The following COL7A1 variants were observed in gnomAD, a reference collection of about 807,000 sequenced individuals.
COL7A1 encodes the protein collagen alpha-1(VII) chain.
COL7A1 carries 296 observed loss-of-function variants against 456.2 expected under a neutral mutation model. The observed-to-expected ratio is 0.65, with a 90% CI of 0.59 to 0.71. COL7A1 has a LOEUF of 0.71. Ranked by LOEUF, COL7A1 falls within the 30% of genes least tolerant of loss-of-function variation. The pLI, the probability that COL7A1 is intolerant of heterozygous loss-of-function variation, is 0.00. For missense variants in COL7A1, 3,441 were observed against 4,017.2 expected (o/e 0.86, Z 3.88); for synonymous variants, 1,464 against 1,525.9 (o/e 0.96, Z 0.95).
In COL7A1 at chr3:48,578,792, G is replaced by T; in HGVS notation, c.5424+127C>A. On this transcript the variant is annotated intron_variant, in intron 63 of 118. Transcript: ENST00000681320. This position sits in a 1 kb window ranked among gnomAD's most constrained non-coding sequence, Gnocchi z 4.7. ...TACTAAAACCTGTGTGCCAGGGACT[G>T]AGACCCTCCCAAAGGCAAGGCTGAA... 1 of 995,510 alleles carries T rather than the reference G, an allele frequency of 1.0e-6. No individual in the cohort carries two copies. Among genetic ancestry groups the T allele is most frequent in the Non-Finnish European group, 1.5e-6 (1 of 685,976 alleles). 61.7% of individuals were successfully genotyped at this position (995,510 alleles called of 1,614,324 possible).
chr3:48,589,302 T>C, intron 18 of COL7A1, 25 bp downstream of exon 18: 2 of 1,611,518 alleles, frequency 1.2e-6, no homozygotes, highest in South Asian at 1.1e-5. Flanking sequence ...GCGGTGTGGC[T>C]AGTAGCTGGC....
At position 48,567,683 on chromosome 3, in the gene COL7A1, C is replaced by A. The variant is rs770928059; in HGVS notation, c.7983+27G>T. ...CTTGGCCCCCGTCCACCCGTGGCCC[C>A]CTCATTCTGAGCGTGCCCACACTCA... On this transcript the variant is annotated intron_variant, in intron 108 of 118. Transcript: ENST00000681320. The surrounding 1 kb of genome is among the most constrained non-coding windows in gnomAD (Gnocchi z 4.3). 1 of 1,614,114 alleles carries A rather than the reference C, an allele frequency of 6.2e-7. No homozygotes were observed. Among genetic ancestry groups the A allele is most frequent in the South Asian group, 1.1e-5 (1 of 91,084 alleles).
At position 48,583,505 on chromosome 3, in the gene COL7A1, G is replaced by A. The variant is rs756684122; in HGVS notation, c.4401+51C>T. On this transcript the variant is annotated intron_variant, in intron 41 of 118. Transcript: ENST00000681320. This position sits in a 1 kb window ranked among gnomAD's most constrained non-coding sequence, Gnocchi z 5.1. Reference sequence around the variant, plus strand: ...GGAGCAGTGGTTGATGATTGAGGTAGGGGCTGGAGCTGTGCCCACCATATT... The same window carrying A: ...GGAGCAGTGGTTGATGATTGAGGTAAGGGCTGGAGCTGTGCCCACCATATT... The A allele has an allele frequency of 7.6e-5, 122 of 1,613,538 alleles. No homozygotes were observed. The highest frequency in any genetic ancestry group is 9.3e-5 in the Non-Finnish European group (110 of 1,179,692).
rs985355478 is a variant in COL7A1, at chr3:48,594,736, C to T, written c.86-188G>A. Among the ~76,000 whole-genome samples the T allele has an allele frequency of 1.3e-5, 2 of 149,184 alleles. No homozygotes were observed. The highest frequency in any genetic ancestry group is 5.0e-5 in the African/African-American group (2 of 40,300). On this transcript the variant is annotated intron_variant, in intron 2 of 118. Transcript: ENST00000681320. The surrounding 1 kb of genome is among the most constrained non-coding windows in gnomAD (Gnocchi z 5.5). The stretch of plus-strand genomic sequence containing the variant: ...CTCGGTGGGTCCCAGAGCAGACTCC[C>T]GCGGAGGGTTGGGGGTGTGCGGGGG...
Position 48,593,828 on chromosome 3 carries a change from A to G in COL7A1, c.267-132T>C, listed in dbSNP as rs2045881970. On this transcript the variant is annotated intron_variant, in intron 3 of 118. Coordinates refer to ENST00000681320, the MANE Select transcript of COL7A1 (RefSeq NM_000094.4). This position sits in a 1 kb window ranked among gnomAD's most constrained non-coding sequence, Gnocchi z 4.4. The stretch of plus-strand genomic sequence containing the variant: ...GGGTCCCTTCGTTCTGTCATTCTCC[A>G]CACCCACTTGCCTCTGGAACCCCCA... The G allele has an allele frequency of 9.1e-7, 1 of 1,103,416 alleles. No homozygotes were observed. Among genetic ancestry groups the G allele is most frequent in the African/African-American group, 1.5e-5 (1 of 64,590 alleles). 68.4% of individuals were successfully genotyped at this position (1,103,416 alleles called of 1,614,324 possible).
Position 48,566,020 on chromosome 3 carries a change from AT to A in COL7A1, c.8407+246del, listed in dbSNP as rs1185630728. 6.6e-6 allele frequency among the ~76,000 whole-genome samples: 1 copy of A among 152,058 alleles called. No homozygotes were observed. The highest frequency in any genetic ancestry group is 1.5e-5 in the Non-Finnish European group (1 of 68,010). ...CAAGGGGACCAGCTCTGCTCCCACC[AT>A]CATCCCACTCCCCACACAGCCAAGC... On this transcript the variant is annotated intron_variant, in intron 114 of 118. Transcript: ENST00000681320. The surrounding 1 kb of genome is among the most constrained non-coding windows in gnomAD (Gnocchi z 5.9).
At position 48,564,548 on chromosome 3, in the gene COL7A1, G is replaced by A. The variant is rs1421964635; in HGVS notation, c.8819-126C>T. On this transcript the variant is annotated intron_variant, in intron 118 of 118. Coordinates refer to ENST00000681320, the MANE Select transcript of COL7A1 (RefSeq NM_000094.4). The surrounding 1 kb of genome is among the most constrained non-coding windows in gnomAD (Gnocchi z 6.0). ...GAAGTGGGGGCTCTGACCTCAGAGG[G>A]GTCCATACTTAGGTCTTTAAAGGAG... is the stretch of plus-strand genomic sequence containing the variant. 27 of 1,216,360 alleles carry A rather than the reference G, an allele frequency of 2.2e-5. No individual in the cohort carries two copies. The highest frequency in any genetic ancestry group is 3.0e-5 in the African/African-American group (2 of 66,516). 75.3% of individuals were successfully genotyped at this position (1,216,360 alleles called of 1,614,324 possible). A position where few individuals can be genotyped will look rare whatever the true frequency, so the allele number is the denominator to read the frequency against.
rs2107742867 is a variant in COL7A1 at position 48,585,688 on chromosome 3, A to G, written c.3831+2T>C. On this transcript the variant is annotated splice_donor_variant, in intron 31 of 118. Coordinates refer to ENST00000681320, the MANE Select transcript of COL7A1 (RefSeq NM_000094.4). LOFTEE classifies it high-confidence loss of function. This position sits in a 1 kb window ranked among gnomAD's most constrained non-coding sequence, Gnocchi z 4.5. ...GCAGGGACAGATGTGGGGGACACTCACCGGGAGGCCAGGGTCGCCAGGAGG... is the reference window on the plus strand; with the variant it reads ...GCAGGGACAGATGTGGGGGACACTCGCCGGGAGGCCAGGGTCGCCAGGAGG... 1.2e-6 allele frequency: 2 copies of G among 1,614,016 alleles called. No homozygotes were observed. Among genetic ancestry groups the G allele is most frequent in the Non-Finnish European group, 1.7e-6 (2 of 1,179,984 alleles).
chr3:48,574,950 T>A lies in COL7A1; in HGVS notation c.6280-85A>T. 9.5e-6 allele frequency: 15 copies of A among 1,584,984 alleles called. No homozygotes were observed. The highest frequency in any genetic ancestry group is 1.3e-5 in the Non-Finnish European group (15 of 1,156,432). On this transcript the variant is annotated intron_variant, in intron 76 of 118. Coordinates refer to ENST00000681320, the MANE Select transcript of COL7A1 (RefSeq NM_000094.4). This position sits in a 1 kb window ranked among gnomAD's most constrained non-coding sequence, Gnocchi z 5.0. ...CACAGATCTCAGGATCACAGAGGGT[T>A]ATAGGGTCAGAAATTCCAGGGTTAT...
Position 48,587,133 on chromosome 3 carries a change from G to A in COL7A1, c.3140-25C>T. 1 of 1,613,372 alleles carries A rather than the reference G, an allele frequency of 6.2e-7. No individual in the cohort carries two copies. Among genetic ancestry groups the A allele is most frequent in the Non-Finnish European group, 8.5e-7 (1 of 1,179,850 alleles). Reference sequence around the variant, plus strand: ...ACTGTAGGAAGGGGAACAAGTTACTGAAGCGGGCAGCCCACCCAGACACAC... The same window carrying A: ...ACTGTAGGAAGGGGAACAAGTTACTAAAGCGGGCAGCCCACCCAGACACAC... On this transcript the variant is annotated intron_variant, in intron 24 of 118. Transcript: ENST00000681320. The surrounding 1 kb of genome is among the most constrained non-coding windows in gnomAD (Gnocchi z 6.1).
rs1358851414 is a variant in COL7A1, at chr3:48,581,556, T to C, written c.4782+17A>G. On this transcript the variant is annotated intron_variant, in intron 50 of 118. Coordinates refer to ENST00000681320, the MANE Select transcript of COL7A1 (RefSeq NM_000094.4). This position sits in a 1 kb window ranked among gnomAD's most constrained non-coding sequence, Gnocchi z 5.8. ...TCATCTCCCTCTGTCACACTCCCCA[T>C]TCCCACATTGATTCACCCGGTCTCC... The C allele has an allele frequency of 6.2e-7, 1 of 1,613,978 alleles. No homozygotes were observed. The highest frequency in any genetic ancestry group is 1.7e-5 in the Admixed American group (1 of 60,010).
In COL7A1 at chr3:48,581,417, C is replaced by G; in HGVS notation, c.4818+31G>C. On this transcript the variant is annotated intron_variant, in intron 51 of 118. Transcript: ENST00000681320. The surrounding 1 kb of genome is among the most constrained non-coding windows in gnomAD (Gnocchi z 5.8). ...CTCAAGGGGAGGGGACCCCAGAAGC[C>G]TTGAGGTTGCCCAGGGTAACGGGTA... 6.2e-7 allele frequency: 1 copy of G among 1,613,940 alleles called. No individual in the cohort carries two copies. The highest frequency in any genetic ancestry group is 8.5e-7 in the Non-Finnish European group (1 of 1,179,982).
chr3:48,568,567 T>A lies in COL7A1; in HGVS notation c.7759-33A>T. ...AAACACAGATGGGGGAGCCCTTCAG[T>A]GGGACTGTCCCCAACACTGGCCCAT... On this transcript the variant is annotated intron_variant, in intron 104 of 118. Coordinates refer to ENST00000681320, the MANE Select transcript of COL7A1 (RefSeq NM_000094.4). The surrounding 1 kb of genome is among the most constrained non-coding windows in gnomAD (Gnocchi z 5.2). The A allele has an allele frequency of 6.2e-7, 1 of 1,602,056 alleles. No homozygotes were observed. Among genetic ancestry groups the A allele is most frequent in the South Asian group, 1.1e-5 (1 of 89,934 alleles).
chr3:48,574,567 G>A lies in COL7A1; in HGVS notation c.6394-17C>T, dbSNP rs765309908. 33 of 1,613,812 alleles carry A rather than the reference G, an allele frequency of 2.0e-5. No homozygotes were observed. The highest frequency in any genetic ancestry group is 3.3e-5 in the South Asian group (3 of 91,082). Reference sequence around the variant, plus strand: ...TGGCACACCCTGAAGGCAGAGTGTCGTGCCCTGAGCCCCCAGTCCCTGCCA... The same window carrying A: ...TGGCACACCCTGAAGGCAGAGTGTCATGCCCTGAGCCCCCAGTCCCTGCCA... On this transcript the variant is annotated splice_polypyrimidine_tract_variant and intron_variant, in intron 78 of 118. Coordinates refer to ENST00000681320, the MANE Select transcript of COL7A1 (RefSeq NM_000094.4). This position sits in a 1 kb window ranked among gnomAD's most constrained non-coding sequence, Gnocchi z 5.0.
Position 48,571,677 on chromosome 3 carries a change from G to A in COL7A1, c.7068+324C>T. 1.5e-6 allele frequency: 1 copy of A among 652,260 alleles called. No individual in the cohort carries two copies. The highest frequency in any genetic ancestry group is 1.6e-5 in the South Asian group (1 of 63,536). The allele number at this position is 652,260 out of a possible 1,614,324, so 40.4% of individuals were successfully genotyped here. A position where few individuals can be genotyped will look rare whatever the true frequency, so the allele number is the denominator to read the frequency against. On this transcript the variant is annotated intron_variant, in intron 92 of 118. Coordinates refer to ENST00000681320, the MANE Select transcript of COL7A1 (RefSeq NM_000094.4). The surrounding 1 kb of genome is among the most constrained non-coding windows in gnomAD (Gnocchi z 4.6). ...GCCAGGGGCAGGGGAAAGGAGGATTGTAAACACAGGACCAAGGAGAGGTTC... is the reference window on the plus strand; with the variant it reads ...GCCAGGGGCAGGGGAAAGGAGGATTATAAACACAGGACCAAGGAGAGGTTC...
Position 48,576,446 on chromosome 3 carries a change from G to C in COL7A1, c.5737-11C>G. 1 of 1,613,532 alleles carries C rather than the reference G, an allele frequency of 6.2e-7. No individual in the cohort carries two copies. Among genetic ancestry groups the C allele is most frequent in the Non-Finnish European group, 8.5e-7 (1 of 1,179,882 alleles). On this transcript the variant is annotated splice_polypyrimidine_tract_variant and intron_variant, in intron 69 of 118. Transcript: ENST00000681320. ...CTCCCCACGGTCACCCTGAAAACAA[G>C]AATGACCAGGTGGGGAAATGGCCCC...
At position 48,565,723 on chromosome 3, in the gene COL7A1, T is replaced by C; in HGVS notation, c.8408-55A>G. On this transcript the variant is annotated intron_variant, in intron 114 of 118. Coordinates refer to ENST00000681320, the MANE Select transcript of COL7A1 (RefSeq NM_000094.4). This position sits in a 1 kb window ranked among gnomAD's most constrained non-coding sequence, Gnocchi z 4.5. ...AATGACAGAGAGAAGGATGGGAAGA[T>C]GGAGAGACAGACAGAGACACACAGG... The C allele has an allele frequency of 6.5e-7, 1 of 1,540,466 alleles. No individual in the cohort carries two copies.
Position 48,583,658 on chromosome 3 carries a change from T to C in COL7A1, c.4342-43A>G, listed in dbSNP as rs2044959963. The C allele has an allele frequency of 1.2e-6, 2 of 1,613,106 alleles. No individual in the cohort carries two copies. Among genetic ancestry groups the C allele is most frequent in the South Asian group, 2.2e-5 (2 of 91,070 alleles). ...GGGTGGGAAGACCGAAGGGAGGCCCTGCCCCCAGCACGCAGCCTCCCACCC... is the reference window on the plus strand; with the variant it reads ...GGGTGGGAAGACCGAAGGGAGGCCCCGCCCCCAGCACGCAGCCTCCCACCC... On this transcript the variant is annotated intron_variant, in intron 40 of 118. Coordinates refer to ENST00000681320, the MANE Select transcript of COL7A1 (RefSeq NM_000094.4). The surrounding 1 kb of genome is among the most constrained non-coding windows in gnomAD (Gnocchi z 5.1).
Position 48,573,920 on chromosome 3 carries a change from A to G in COL7A1, c.6502-30T>C, listed in dbSNP as rs765649101. The G allele has an allele frequency of 4.3e-6, 7 of 1,612,030 alleles. No homozygotes were observed. Among genetic ancestry groups the G allele is most frequent in the South Asian group, 1.1e-5 (1 of 90,918 alleles). On this transcript the variant is annotated intron_variant, in intron 80 of 118. Transcript: ENST00000681320. This position sits in a 1 kb window ranked among gnomAD's most constrained non-coding sequence, Gnocchi z 5.5. ...ATAGAGAGGGCACTGATGAGCCTCA[A>G]TCTGGGCCTCACTTGGGCCTGTTCC...
Sources: allele counts gnomAD v4.1 joint callset (sites outside exome capture counted in the v4.1 genomes callset), GRCh38; gene constraint gnomAD v4.1.1; non-coding constraint Gnocchi (gnomAD v3.1); transcripts MANE v1.5; gene names NCBI Gene and HGNC (gene_info 2026-07-23, HGNC 2026-07-21).